DOCK1: variants seen among roughly 807,000 people sequenced by gnomAD.
The protein encoded by DOCK1 is dedicator of cytokinesis 1.
Under a neutral mutation model 262.7 loss-of-function variants are expected in DOCK1, and 138 were observed. That is an observed-to-expected ratio of 0.53 (90% confidence interval 0.46 to 0.61). The LOEUF (loss-of-function observed/expected upper bound fraction) is 0.61. Ranked by LOEUF, DOCK1 falls within the 20% of genes least tolerant of loss-of-function variation. The probability of loss-of-function intolerance (pLI) is 0.00; values close to 1 mark genes in which losing one functional copy is unlikely to be tolerated. For missense variants in DOCK1, 1,908 were observed against 2,370.7 expected, an observed-to-expected ratio of 0.80 and a Z score of 4.05; for synonymous variants, 866 against 867.4, an observed-to-expected ratio of 1.00 and a Z score of 0.03.
At chr10:127,380,399 A>G (rs1258487322) in intron 36 of DOCK1, among the ~76,000 whole-genome samples, 1 of 152,138 alleles carries the variant, frequency 6.6e-6, no homozygotes, top group Non-Finnish European at 1.5e-5. Context: ...TGACCAACTC[A>G]TGTGGCCCTT....
At chr10:127,402,282 C>T (rs963295182) in intron 38 of DOCK1, among the ~76,000 whole-genome samples, 6 of 152,024 alleles carry the variant, frequency 3.9e-5, no homozygotes, top group Admixed American at 6.6e-5. Flanking sequence ...GGAGAGTGGG[C>T]GGCAGCTAGG....
rs764713332 is a variant in DOCK1 at position 127,409,381 on chromosome 10, C to G, written c.4333C>G (p.Gln1445Glu). 6.2e-7 allele frequency: 1 copy of G among 1,613,992 alleles called. No individual in the cohort carries two copies. Among genetic ancestry groups the G allele is most frequent in the South Asian group, 1.1e-5 (1 of 91,076 alleles). The change falls in exon 42 of 52, where the codon CAG becomes GAG. Residue 1445 changes from glutamine (Q) to glutamate (E), a missense_variant. By Grantham distance (29) the Gln-to-Glu change is conservative (BLOSUM62 2). Around this residue, in one of 9 missense-constraint regions of DOCK1, gnomAD observed 267 missense variants for 366.3 expected, o/e 0.73. Coordinates refer to ENST00000623213, the MANE Select transcript of DOCK1 (RefSeq NM_001290223.2). ...PPKFHRPVSE[Q>E]IVSFYRVNEV... ...TAAGTTTCACAGGCCAGTGTCAGAG[C>G]AGATTGTAAGGTAATAATCCCATTT... is the stretch of plus-strand genomic sequence containing the variant.
At chr10:126,932,916 C>T (rs1225915533) in intron 1 of DOCK1, among the ~76,000 whole-genome samples, 2 of 152,176 alleles carry the variant, frequency 1.3e-5, no homozygotes, top group African/African-American at 4.8e-5. Flanking sequence ...TGGCCAACTC[C>T]TCCCCTCCTG....
chr10:126,999,934 C>G (rs1239821417), intron 9 of DOCK1, among the ~76,000 whole-genome samples: 1 of 152,328 alleles, frequency 6.6e-6, no homozygotes, highest in Middle Eastern at 3.4e-3. Flanking sequence ...CTCGGCCTTC[C>G]AAAGTGCTGG....
intron 27 of DOCK1, among the ~76,000 whole-genome samples, chr10:127,178,864 T>C (rs571362450): frequency 6.6e-6 from 1 of 152,120 alleles, no homozygotes; most frequent in African/African-American, 2.4e-5. Flanking sequence ...CCCAGCAGGT[T>C]AAACAGATGC....
chr10:126,986,901 C>T (rs185784738), intron 4 of DOCK1, among the ~76,000 whole-genome samples: 3 of 152,186 alleles, frequency 2.0e-5, no homozygotes, highest in Admixed American at 1.3e-4. Flanking sequence ...CAGAGCGAGA[C>T]ACCGTTTCAA....
intron 1 of DOCK1, among the ~76,000 whole-genome samples, chr10:126,935,560 T>C (rs979063629): frequency 6.6e-6 from 1 of 152,240 alleles, no homozygotes; most frequent in Non-Finnish European, 1.5e-5. Flanking sequence ...GATGATGTCC[T>C]CTTCTCTCAA....
intron 33 of DOCK1, among the ~76,000 whole-genome samples, chr10:127,372,208 T>A (rs1219290671): frequency 6.6e-6 from 1 of 152,208 alleles, no homozygotes; most frequent in Non-Finnish European, 1.5e-5. Flanking sequence ...GCTGTGGCTT[T>A]GGGCAGTGTG....
In DOCK1 at chr10:127,091,195, G is replaced by A. The variant is rs189457943; in HGVS notation, c.2446-15036G>A. Reference sequence around the variant, plus strand: ...AGACGGGGTTTCACCATGTTAGCCAGGATGGTCTCGATCTCCTGACCTCGC... The same window carrying A: ...AGACGGGGTTTCACCATGTTAGCCAAGATGGTCTCGATCTCCTGACCTCGC... On this transcript the variant is annotated intron_variant, in intron 23 of 51. Coordinates refer to ENST00000623213, the MANE Select transcript of DOCK1 (RefSeq NM_001290223.2). Among the ~76,000 whole-genome samples the A allele has an allele frequency of 3.3e-5, 5 of 152,196 alleles. No individual in the cohort carries two copies. In the East Asian group the frequency reaches 9.7e-4, roughly 30 times the overall value.
intron 35 of DOCK1, among the ~76,000 whole-genome samples, chr10:127,375,384 T>TA (rs1417798439): frequency 2.0e-5 from 3 of 152,208 alleles, no homozygotes; most frequent in Non-Finnish European, 2.9e-5. Flanking sequence ...TTGCTCTACT[T>TA]ACCTCCCTTC....
chr10:127,053,849 G>A (rs916752344), intron 22 of DOCK1, among the ~76,000 whole-genome samples: 2 of 152,196 alleles, frequency 1.3e-5, no homozygotes, highest in African/African-American at 4.8e-5. Flanking sequence ...TGTGTTGAGG[G>A]TGGGGTGTGG....
At chr10:127,302,121 G>A (rs992808938) in intron 29 of DOCK1, among the ~76,000 whole-genome samples, 4 of 147,856 alleles carry the variant, frequency 2.7e-5, no homozygotes, top group Admixed American at 6.7e-5. Context: ...GCTGTGGCCC[G>A]GAGCTTTTCC....
chr10:127,208,839 A>G (rs1163385436), intron 27 of DOCK1, among the ~76,000 whole-genome samples: 1 of 152,200 alleles, frequency 6.6e-6, no homozygotes, highest in Non-Finnish European at 1.5e-5. Context: ...CTAAAGACCT[A>G]GGATAAAGTT....
At chr10:127,318,873 G>T (rs2062398825) in intron 29 of DOCK1, among the ~76,000 whole-genome samples, 1 of 152,196 alleles carries the variant, frequency 6.6e-6, no homozygotes, top group Non-Finnish European at 1.5e-5. Flanking sequence ...TTAACAAGGG[G>T]CCAGAGGGGC....
intron 35 of DOCK1, among the ~76,000 whole-genome samples, chr10:127,377,274 T>A (rs2065548823): frequency 6.6e-6 from 1 of 152,142 alleles, no homozygotes; most frequent in South Asian, 2.1e-4. Flanking sequence ...CCCAGCTCAA[T>A]TTCCTGGTCA....
intron 38 of DOCK1, among the ~76,000 whole-genome samples, chr10:127,397,111 G>C: frequency 6.9e-6 from 1 of 145,816 alleles, no homozygotes; most frequent in East Asian, 2.0e-4. Flanking sequence ...CAGTTACACG[G>C]GCGGTGTCTC....
chr10:127,227,283 G>A lies in DOCK1; in HGVS notation c.2848-20725G>A, dbSNP rs569589363. Among the ~76,000 whole-genome samples, 248 of 152,324 alleles carry A rather than the reference G, an allele frequency of 1.6e-3. 1 individual carries two copies. Among genetic ancestry groups the A allele is most frequent in the African/African-American group, 5.7e-3 (237 of 41,574 alleles). On this transcript the variant is annotated intron_variant, in intron 27 of 51. Transcript: ENST00000623213. ...AAATACACTTAGTAGGTGAGGCCATGAGGACACCTACCACCATTAAGGATG... is the reference window on the plus strand; with the variant it reads ...AAATACACTTAGTAGGTGAGGCCATAAGGACACCTACCACCATTAAGGATG...
chr10:127,336,624 C>T lies in DOCK1; in HGVS notation c.3045-2382C>T, dbSNP rs578051322. On this transcript the variant is annotated intron_variant, in intron 29 of 51. Coordinates refer to ENST00000623213, the MANE Select transcript of DOCK1 (RefSeq NM_001290223.2). The stretch of plus-strand genomic sequence containing the variant: ...GCGCAATCCTGGCTCACTGCAAGCT[C>T]CGCCTCCCAGGTTCGCACCATTCTC... 2.2e-4 allele frequency among the ~76,000 whole-genome samples: 33 copies of T among 151,786 alleles called. No homozygotes were observed. The South Asian group carries it at 6.7e-3, about 31-fold the overall frequency.
At chr10:126,992,783 C>G (rs1337289973) in intron 6 of DOCK1, among the ~76,000 whole-genome samples, 3 of 127,954 alleles carry the variant, frequency 2.3e-5, no homozygotes, top group Admixed American at 8.9e-5. Flanking sequence ...CAGACACACA[C>G]ACACAGACAC....
Sources: allele counts gnomAD v4.1 joint callset (sites outside exome capture counted in the v4.1 genomes callset), GRCh38; gene constraint gnomAD v4.1.1; regional missense constraint gnomAD v4.1.1; transcripts MANE v1.5; gene names NCBI Gene and HGNC (gene_info 2026-07-23, HGNC 2026-07-21).